Variants in SCAF4 observed in about 807,000 individuals in gnomAD.
SCAF4 encodes SR-related CTD associated factor 4, also known as SR-related and CTD-associated factor 4.
SCAF4 carries 25 observed loss-of-function variants against 129.8 expected under a neutral mutation model. The ratio of observed to expected loss-of-function variants is 0.19; its 90% CI spans 0.14 to 0.27. SCAF4 has a LOEUF of 0.27. SCAF4 is among the 10% of genes least tolerant of loss of function. SCAF4 has a pLI of 1.00. For synonymous variants in SCAF4, 551 were observed against 497.7 expected (o/e 1.11, Z -1.43); for missense variants, 1,246 against 1,457.1 (o/e 0.86, Z 2.36).
Position 31,671,476 on chromosome 21 carries a change from CAGA to C in SCAF4, c.3364_3366del (p.Ser1122del), listed in dbSNP as rs1161578445. The C allele has an allele frequency of 4.3e-6, 7 of 1,614,206 alleles. No individual in the cohort carries two copies. The Admixed American group carries it at 1.0e-4, about 23-fold the overall frequency. ...GAGGTAGCCTCAGCAGGTAACTCTT[CAGA>C]AGGCTTTAGGACTGCAGCCTCAGAC... On this transcript the variant is annotated inframe_deletion, in exon 20 of 20. Coordinates refer to ENST00000286835, the MANE Select transcript of SCAF4 (RefSeq NM_020706.2).
At chr21:31,709,667 C>A (rs2050753396) in intron 1 of SCAF4, among the ~76,000 whole-genome samples, 1 of 152,110 alleles carries the variant, frequency 6.6e-6, no homozygotes, top group South Asian at 2.1e-4. Context: ...AGAGAACAGT[C>A]AGGTACCATA....
chr21:31,709,009 T>C (rs183091391), intron 1 of SCAF4, among the ~76,000 whole-genome samples: 3 of 152,276 alleles, frequency 2.0e-5, no homozygotes, highest in Middle Eastern at 3.4e-3. Context: ...TCATAGGAGA[T>C]GAACAAATGT....
chr21:31,697,064 C>A (rs1010389476), intron 7 of SCAF4, among the ~76,000 whole-genome samples: 1 of 152,096 alleles, frequency 6.6e-6, no homozygotes, highest in African/African-American at 2.4e-5. Flanking sequence ...ACTCATTTCC[C>A]TAGCCTAAAA....
intron 7 of SCAF4, among the ~76,000 whole-genome samples, chr21:31,699,051 G>T (rs1393948450): frequency 2.0e-5 from 3 of 152,160 alleles, no homozygotes; most frequent in African/African-American, 7.2e-5. Flanking sequence ...TGAAGTGGGA[G>T]GGGGAGAGAC....
intron 19 of SCAF4, among the ~76,000 whole-genome samples, chr21:31,681,379 C>G (rs1416264022): frequency 6.6e-6 from 1 of 152,074 alleles, no homozygotes; most frequent in Non-Finnish European, 1.5e-5. Context: ...TTTGTGTATT[C>G]TTTTTTATTG....
chr21:31,730,588 G>T (rs1394755981), intron 1 of SCAF4, among the ~76,000 whole-genome samples: 3 of 152,106 alleles, frequency 2.0e-5, no homozygotes, highest in South Asian at 2.1e-4. Flanking sequence ...CACACATCTC[G>T]AACTACAACA....
Position 31,671,942 on chromosome 21 carries a change from T to A in SCAF4, c.2901A>T (p.Pro967=). 6.2e-7 allele frequency: 1 copy of A among 1,607,970 alleles called. No individual in the cohort carries two copies. Among genetic ancestry groups the A allele is most frequent in the African/African-American group, 1.3e-5 (1 of 74,722 alleles). The change falls in exon 20 of 20, where the codon CCA becomes CCT. Residue 967 remains proline, a synonymous_variant. Transcript: ENST00000286835. ...QQPQQQQQQQ[P]PPSQQPPPTQ... is the part of the protein sequence containing the mutation. ...TTGGTGGAGGCTGTTGTGATGGTGG[T>A]GGCTGCTGCTGCTGCTGCTGCTGTG...
Position 31,671,728 on chromosome 21 carries a change from C to G in SCAF4, c.3115G>C (p.Asp1039His), listed in dbSNP as rs2049702500. The change falls in exon 20 of 20, where the codon GAC becomes CAC. Residue 1039 changes from aspartate to histidine, a missense_variant. Around this residue, in one of 6 missense-constraint regions of SCAF4, gnomAD observed 339 missense variants for 325.0 expected, o/e 1.04. Coordinates refer to ENST00000286835, the MANE Select transcript of SCAF4 (RefSeq NM_020706.2). ...TCCAAGTCTCTGTGCCTGTCCCGGT[C>G]AGGGCTCCTCCTTCCCCACTCTCTC... ...DRREWGRRSP[D>H]RDRHRDLEER... is the part of the protein sequence containing the mutation. The G allele has an allele frequency of 1.2e-6, 2 of 1,614,024 alleles. No homozygotes were observed. Among genetic ancestry groups the G allele is most frequent in the South Asian group, 1.1e-5 (1 of 91,074 alleles).
rs1477830260 is a variant in SCAF4 at position 31,671,743 on chromosome 21, C to T, written c.3100G>A (p.Gly1034Arg). 6.2e-7 allele frequency: 1 copy of T among 1,614,052 alleles called. No homozygotes were observed. The highest frequency in any genetic ancestry group is 8.5e-7 in the Non-Finnish European group (1 of 1,180,024). The stretch of plus-strand genomic sequence containing the variant: ...CTGTCCCGGTCAGGGCTCCTCCTTC[C>T]CCACTCTCTCCTGTCACGGTTACTA... ...DNSNRDRREW[G>R]RRSPDRDRHR... Residue 1034 changes from glycine to arginine, a missense_variant, in exon 20 of 20, where the codon GGA (glycine) becomes AGA (arginine). Coordinates refer to ENST00000286835, the MANE Select transcript of SCAF4 (RefSeq NM_020706.2).
intron 1 of SCAF4, among the ~76,000 whole-genome samples, chr21:31,709,100 C>G (rs1425886046): frequency 6.6e-6 from 1 of 152,120 alleles, no homozygotes; most frequent in Admixed American, 6.5e-5. Context: ...AAGCCTTCAC[C>G]TGTCTGTTCT....
chr21:31,694,029 G>T (rs1285005007), intron 11 of SCAF4, among the ~76,000 whole-genome samples, 175 bp downstream of exon 11: 1 of 146,262 alleles, frequency 6.8e-6, no homozygotes, highest in Non-Finnish European at 1.5e-5. Flanking sequence ...GAATGATGTA[G>T]TTTTTTTTTT....
chr21:31,702,892 CATTCTTCCAAGA>C (rs1353655119), intron 4 of SCAF4, among the ~76,000 whole-genome samples: 7 of 152,254 alleles, frequency 4.6e-5, no homozygotes, highest in African/African-American at 1.7e-4. Flanking sequence ...CCCACAAGAG[CATTCTTCCAAGA>C]ATATAAAAAC....
intron 19 of SCAF4, among the ~76,000 whole-genome samples, chr21:31,682,921 T>C (rs917634062): frequency 6.6e-6 from 1 of 152,200 alleles, no homozygotes; most frequent in Non-Finnish European, 1.5e-5. Context: ...TTAAAACTCA[T>C]TCCTCTATAA....
intron 1 of SCAF4, among the ~76,000 whole-genome samples, chr21:31,720,726 C>A (rs983837532): frequency 6.6e-6 from 1 of 152,214 alleles, no homozygotes; most frequent in East Asian, 1.9e-4. Flanking sequence ...CATTAGCCAG[C>A]ACCTGGTTAT....
intron 19 of SCAF4, among the ~76,000 whole-genome samples, chr21:31,679,908 G>A (rs548690590): frequency 7.2e-5 from 11 of 152,250 alleles, no homozygotes; most frequent in Admixed American, 3.3e-4. Flanking sequence ...AATTGACAAA[G>A]TGCAATAGCT....
At chr21:31,712,527 C>T (rs1207215729) in intron 1 of SCAF4, among the ~76,000 whole-genome samples, 3 of 124,006 alleles carry the variant, frequency 2.4e-5, no homozygotes, top group Non-Finnish European at 3.3e-5. Context: ...CTGATTCTCC[C>T]TTTTTTTTTT....
chr21:31,683,408 G>A, intron 19 of SCAF4, among the ~76,000 whole-genome samples: 1 of 152,182 alleles, frequency 6.6e-6, no homozygotes, highest in East Asian at 1.9e-4. Context: ...GTAGTGATAA[G>A]AAATAACAGG....
intron 7 of SCAF4, among the ~76,000 whole-genome samples, chr21:31,698,196 G>T (rs2050434516): frequency 1.3e-5 from 2 of 152,130 alleles, no homozygotes; most frequent in South Asian, 4.1e-4. Flanking sequence ...TACCCAAAAA[G>T]AAATTTTAGT....
At chr21:31,693,167 A>T in intron 12 of SCAF4, 127 bp downstream of exon 12, 1 of 665,950 alleles carries the variant, frequency 1.5e-6, no homozygotes, top group Non-Finnish European at 2.2e-6. Flanking sequence ...ACAAGAAAGC[A>T]ATATTTCAAA....
Sources: gnomAD v4.1 joint callset for allele counts (sites outside exome capture counted in the v4.1 genomes callset) on GRCh38, gnomAD v4.1.1 for gene constraint, gnomAD v4.1.1 regional missense constraint, MANE v1.5 for transcripts, NCBI Gene and HGNC (gene_info 2026-07-23, HGNC 2026-07-21) for gene names.